Variants in LRGUK observed in about 807,000 individuals in gnomAD.
LRGUK encodes the protein leucine rich repeats and guanylate kinase domain containing, also known as leucine-rich repeat and guanylate kinase domain-containing protein.
LRGUK carries 65 observed loss-of-function variants against 76.0 expected under a neutral mutation model. That is an observed-to-expected ratio of 0.85 (90% CI 0.70 to 1.05). The LOEUF (loss-of-function observed/expected upper bound fraction) is 1.05. LRGUK is among the 50% of genes least tolerant of loss of function. The probability of loss-of-function intolerance (pLI) is 0.00; values close to 1 mark genes in which losing one functional copy is unlikely to be tolerated. For missense variants in LRGUK, 758 were observed against 732.8 expected (o/e 1.03, Z -0.40); for synonymous variants, 268 against 265.6 (o/e 1.01, Z -0.09).
exon 7 of LRGUK, chr7:134,163,475 A>T: frequency 6.2e-7 from 1 of 1,614,032 alleles, no homozygotes; most frequent in Non-Finnish European, 8.5e-7. Context: ...CCACAATCAG[A>T]TAAGCAGCCT....
At chr7:134,157,928 T>C in intron 5 of LRGUK, 107 bp from the exon 6 acceptor site, 2 of 885,150 alleles carry the variant, frequency 2.3e-6, no homozygotes, top group Non-Finnish European at 3.5e-6. Flanking sequence ...TAATCGTTCT[T>C]TATTTAAGCT....
At chr7:134,184,505 A>G (rs1431065622) in intron 11 of LRGUK, among the ~76,000 whole-genome samples, 1 of 152,010 alleles carries the variant, frequency 6.6e-6, no homozygotes, top group Non-Finnish European at 1.5e-5. Flanking sequence ...TCCTGACCTC[A>G]TGATCCTCCC....
chr7:134,201,476 T>C lies in LRGUK; in HGVS notation c.1748-5T>C. On this transcript the variant is annotated splice_region_variant and splice_polypyrimidine_tract_variant and intron_variant, in intron 14 of 15. Transcript: ENST00000645682. Reference sequence around the variant, plus strand: ...TTGCTTTAAAATGTACTCTCTTTGCTGCAGATGATCTGGATGTTGCCTACC... The same window carrying C: ...TTGCTTTAAAATGTACTCTCTTTGCCGCAGATGATCTGGATGTTGCCTACC... The C allele has an allele frequency of 6.2e-7, 1 of 1,611,656 alleles. No individual in the cohort carries two copies. The highest frequency in any genetic ancestry group is 8.5e-7 in the Non-Finnish European group (1 of 1,177,842).
chr7:134,202,505 T>G (rs1190350847), intron 15 of LRGUK, among the ~76,000 whole-genome samples: 1 of 152,120 alleles, frequency 6.6e-6, no homozygotes, highest in African/African-American at 2.4e-5. Flanking sequence ...TCCAAAAGAA[T>G]TGAAGGCAGG....
chr7:134,211,523 C>T (rs1284405595), downstream of LRGUK, among the ~76,000 whole-genome samples: 2 of 152,168 alleles, frequency 1.3e-5, no homozygotes, highest in African/African-American at 4.8e-5. Context: ...GGGAAGAAGA[C>T]ATATTTTGCA....
At chr7:134,260,138 G>A (rs766223409) in intron 19 of LRGUK, among the ~76,000 whole-genome samples, 2 of 151,804 alleles carry the variant, frequency 1.3e-5, no homozygotes, top group African/African-American at 2.4e-5. Flanking sequence ...TGAGCCTTGG[G>A]AATAATAACA....
chr7:134,143,690 G>C (rs772049557), intron 4 of LRGUK, among the ~76,000 whole-genome samples: 12 of 152,234 alleles, frequency 7.9e-5, no homozygotes, highest in East Asian at 1.9e-4. Context: ...AATGCTTTCA[G>C]ATCTCCATTC....
At chr7:134,252,041 A>G (rs1233737724) in intron 18 of LRGUK, among the ~76,000 whole-genome samples, 1 of 152,062 alleles carries the variant, frequency 6.6e-6, no homozygotes, top group African/African-American at 2.4e-5. Context: ...GCTCTGTATA[A>G]AGGGAGCCTA....
chr7:134,158,387 A>G (rs1563151465), intron 6 of LRGUK, among the ~76,000 whole-genome samples: 1 of 152,184 alleles, frequency 6.6e-6, no homozygotes, highest in African/African-American at 2.4e-5. Flanking sequence ...ATGATTTGCT[A>G]ATTTGTTATC....
At chr7:134,211,075 C>T (rs978240283), downstream of LRGUK, among the ~76,000 whole-genome samples, 13 of 152,236 alleles carry the variant, frequency 8.5e-5, no homozygotes, top group Non-Finnish European at 1.2e-4. Context: ...CTGGCTTCCT[C>T]CTGAACCCAT....
At position 134,209,620 on chromosome 7, in the gene LRGUK, CAGGGAAG is replaced by C. The variant is rs1440373655; in HGVS notation, c.2761_2767del (p.Glu921LeufsTer2). The C allele has an allele frequency of 5.0e-6, 2 of 399,064 alleles. No individual in the cohort carries two copies. Among genetic ancestry groups the C allele is most frequent in the Admixed American group, 4.4e-5 (1 of 22,700 alleles). The allele number at this position is 399,064 out of a possible 1,614,324, so 24.7% of individuals were successfully genotyped here. A position where few individuals can be genotyped will look rare whatever the true frequency, so the allele number is the denominator to read the frequency against. On this transcript the variant is annotated frameshift_variant, in exon 16 of 16. Coordinates refer to ENST00000645682, the Ensembl canonical transcript of LRGUK. LOFTEE classifies it low-confidence loss of function (END_TRUNC). ...CCACACCCAAACTCCTATCGCCCAG[CAGGGAAG>C]AGGCTTTAGGAACAACCTCCCATCA...
At chr7:134,209,666 T>C in exon 16 of LRGUK, 1 of 399,084 alleles carries the variant, frequency 2.5e-6, no homozygotes, top group Non-Finnish European at 4.4e-6. Context: ...CATGACGGTC[T>C]CTCCCAGGCT....
Position 134,142,784 on chromosome 7 carries a change from C to T in LRGUK, c.488-278C>T, listed in dbSNP as rs141014382. 3.0e-4 allele frequency among the ~76,000 whole-genome samples: 46 copies of T among 152,236 alleles called. No homozygotes were observed. In the East Asian group the frequency reaches 5.6e-3, roughly 19 times the overall value. ...GAGTGAGCGGGCATGCGGAAGAGGC[C>T]GCAGGGATTGGTTACTTGGCTGCCC... On this transcript the variant is annotated intron_variant, in intron 3 of 15. Transcript: ENST00000645682.
At chr7:134,245,956 A>G (rs1238689043) in intron 16 of LRGUK, among the ~76,000 whole-genome samples, 1 of 152,148 alleles carries the variant, frequency 6.6e-6, no homozygotes, top group Non-Finnish European at 1.5e-5. Context: ...CTCTCATTAC[A>G]TCCTCCCCTG....
At chr7:134,251,389 C>G (rs920378341) in intron 18 of LRGUK, among the ~76,000 whole-genome samples, 1 of 152,140 alleles carries the variant, frequency 6.6e-6, no homozygotes, top group East Asian at 1.9e-4. Context: ...GAGAGAGGCC[C>G]GGAACAATTC....
rs2117167782 is a variant in LRGUK, at chr7:134,227,876, A to G, written c.1983+5958A>G. On this transcript the variant is annotated intron_variant, in intron 16 of 19. Transcript: ENST00000285928. ...GGGAAATATAGTGGAAGAGTGAATA[A>G]GAGACATAAAGCAAACATGAGAAGT... 1.3e-5 allele frequency among the ~76,000 whole-genome samples: 2 copies of G among 152,296 alleles called. 1 individual carries two copies. The highest frequency in any genetic ancestry group is 6.8e-3 in the Middle Eastern group (2 of 294).
In LRGUK at chr7:134,260,942, A is replaced by G. The variant is rs1388219949; in HGVS notation, c.2347+2537A>G. On this transcript the variant is annotated intron_variant, in intron 19 of 19. Transcript: ENST00000285928. ...TGGGGACCTGACTGCACTTGCCCCA[A>G]ATCACTGCAACGTGCTGGGGTGAGG... Among the ~76,000 whole-genome samples, 4 of 152,158 alleles carry G rather than the reference A, an allele frequency of 2.6e-5. No individual in the cohort carries two copies. In the East Asian group the frequency reaches 5.8e-4, roughly 22 times the overall value.
At chr7:134,157,976 C>T in intron 5 of LRGUK, 59 bp from the exon 6 acceptor site, 1 of 1,519,338 alleles carries the variant, frequency 6.6e-7, no homozygotes, top group Non-Finnish European at 9.1e-7. Context: ...AACACTGATT[C>T]TTTTTTTCTT....
exon 19 of LRGUK, chr7:134,258,284 A>G (rs757061459): frequency 1.2e-6 from 2 of 1,614,116 alleles, no homozygotes; most frequent in Admixed American, 3.3e-5. Flanking sequence ...TTTCCATGAA[A>G]TGTTCATTGT....
Sources: allele counts gnomAD v4.1 joint callset (sites outside exome capture counted in the v4.1 genomes callset), GRCh38; gene constraint gnomAD v4.1.1; transcripts MANE v1.5; gene names NCBI Gene and HGNC (gene_info 2026-07-23, HGNC 2026-07-21).